ACTA2: variants seen among roughly 807,000 people sequenced by gnomAD.
ACTA2 encodes the protein actin, aortic smooth muscle.
ACTA2 carries 12 observed loss-of-function variants against 39.5 expected under a neutral mutation model. That is an observed-to-expected ratio of 0.30 (90% CI 0.19 to 0.49). ACTA2 has a LOEUF of 0.49. Ranked by LOEUF, ACTA2 falls within the 20% of genes least tolerant of loss-of-function variation. The probability of loss-of-function intolerance (pLI) is 0.99; values close to 1 mark genes in which losing one functional copy is unlikely to be tolerated. For synonymous variants in ACTA2, 158 were observed against 180.6 expected (o/e 0.88, Z 1.00); for missense variants, 236 against 498.8 (o/e 0.47, Z 5.02).
At chr10:88,960,515 A>AT (rs1452234231) in intron 1 of ACTA2, among the ~76,000 whole-genome samples, 1 of 152,214 alleles carries the variant, frequency 6.6e-6, no homozygotes, top group Non-Finnish European at 1.5e-5. Context: ...GAAAAAAGCC[A>AT]TACCAAGAAG....
chr10:88,936,064 C>T (rs1845732655), intron 8 of ACTA2, among the ~76,000 whole-genome samples: 1 of 152,222 alleles, frequency 6.6e-6, no homozygotes, highest in Non-Finnish European at 1.5e-5. Flanking sequence ...ATACAAAGTA[C>T]TGATATTTAC....
intron 1 of ACTA2, among the ~76,000 whole-genome samples, chr10:88,964,841 C>T (rs1184008836): frequency 3.3e-5 from 5 of 152,110 alleles, no homozygotes; most frequent in East Asian, 3.8e-4. Context: ...AGGAGGCACC[C>T]GTTCTGCTGC....
At chr10:88,987,125 G>C (rs147545363) in intron 1 of ACTA2, among the ~76,000 whole-genome samples, 57 of 152,178 alleles carry the variant, frequency 3.7e-4, no homozygotes, top group Admixed American at 7.2e-4. Context: ...TTTGTCACTT[G>C]GCCACTGTGG....
At chr10:88,982,733 T>C (rs1229835365) in intron 1 of ACTA2, among the ~76,000 whole-genome samples, 1 of 152,204 alleles carries the variant, frequency 6.6e-6, no homozygotes, top group African/African-American at 2.4e-5. Context: ...TAAGTAAAAA[T>C]TCAGCCTAAG....
intron 1 of ACTA2, among the ~76,000 whole-genome samples, chr10:88,972,432 A>T (rs1846468299): frequency 6.6e-6 from 1 of 152,152 alleles, no homozygotes; most frequent in African/African-American, 2.4e-5. Context: ...TTAGTCTGTT[A>T]ATATTTAATG....
At chr10:88,943,689 G>T in intron 4 of ACTA2, 108 bp downstream of exon 4, 1 of 897,428 alleles carries the variant, frequency 1.1e-6, no homozygotes. Flanking sequence ...CTGTTAGTCT[G>T]TTGGTGGACT....
upstream of ACTA2, among the ~76,000 whole-genome samples, chr10:88,953,383 A>G (rs1846083288): frequency 6.6e-6 from 1 of 152,202 alleles, no homozygotes; most frequent in South Asian, 2.1e-4. Flanking sequence ...TCTTACAAAG[A>G]GGAATTTGGA....
chr10:88,957,099 C>G (rs1048551610), upstream of ACTA2, among the ~76,000 whole-genome samples: 1 of 152,126 alleles, frequency 6.6e-6, no homozygotes, highest in Non-Finnish European at 1.5e-5. Context: ...ACTTAAGACA[C>G]GGTACACAAG....
exon 1 of ACTA2, chr10:88,991,226 G>A: frequency 1.9e-6 from 1 of 515,782 alleles, no homozygotes; most frequent in Non-Finnish European, 3.5e-6. Context: ...GGCGTGGGGT[G>A]CGGACAGGAA....
intron 1 of ACTA2, among the ~76,000 whole-genome samples, chr10:88,976,183 C>T (rs1846558437): frequency 6.6e-6 from 1 of 151,100 alleles, no homozygotes. Context: ...AATACACTAA[C>T]ACTAACTATA....
At position 88,969,695 on chromosome 10, in the gene ACTA2, A is replaced by G. The variant is rs566832785; in HGVS notation, c.-23-20742T>C. On this transcript the variant is annotated intron_variant, in intron 1 of 4. Coordinates refer to the ACTA2 transcript ENST00000415557. ...ATCATCCTCCCAACTATATCTTTTCATATACGTTAATAGCACTCTATCTTT... is the reference window on the plus strand; with the variant it reads ...ATCATCCTCCCAACTATATCTTTTCGTATACGTTAATAGCACTCTATCTTT... Among the ~76,000 whole-genome samples, 5 of 152,274 alleles carry G rather than the reference A, an allele frequency of 3.3e-5. No individual in the cohort carries two copies. The South Asian group carries it at 1.0e-3, about 32-fold the overall frequency.
At chr10:88,955,836 C>T (rs541183777), upstream of ACTA2, among the ~76,000 whole-genome samples, 13 of 152,260 alleles carry the variant, frequency 8.5e-5, no homozygotes, top group South Asian at 6.2e-4. Flanking sequence ...GATCAATACA[C>T]GGGGGTTATG....
At position 88,990,769 on chromosome 10, in the gene ACTA2, G is replaced by T. The variant is rs1182348068; in HGVS notation, c.-24+170C>A. 7 of 1,446,478 alleles carry T rather than the reference G, an allele frequency of 4.8e-6. No individual in the cohort carries two copies. Among genetic ancestry groups the T allele is most frequent in the Non-Finnish European group, 6.8e-6 (7 of 1,033,314 alleles). 89.6% of individuals were successfully genotyped at this position (1,446,478 alleles called of 1,614,324 possible). On this transcript the variant is annotated intron_variant, in intron 1 of 4. Coordinates refer to the ACTA2 transcript ENST00000415557. This position sits in a 1 kb window ranked among gnomAD's most constrained non-coding sequence, Gnocchi z 4.9. ...GCACTGGCACGGAACACACCCTGAG[G>T]CCAGCCCTGGCTGCCCAGGCGGAGC...
chr10:88,977,019 G>A (rs1008069896), intron 1 of ACTA2, among the ~76,000 whole-genome samples: 2 of 152,142 alleles, frequency 1.3e-5, no homozygotes, highest in Non-Finnish European at 2.9e-5. Flanking sequence ...CAAAGGAGAA[G>A]CTTATTTTCT....
chr10:88,947,395 G>T lies in ACTA2; in HGVS notation c.130-9C>A, dbSNP rs769557305. On this transcript the variant is annotated splice_polypyrimidine_tract_variant and intron_variant, in intron 2 of 8. Coordinates refer to ENST00000224784, the MANE Select transcript of ACTA2 (RefSeq NM_001613.4). ...ATTCCCACCATCACCCCCTAAAAAG[G>T]TTCAACACATTATGAGTCAGCATCT... 4.3e-6 allele frequency: 7 copies of T among 1,613,592 alleles called. No individual in the cohort carries two copies. The Admixed American group carries it at 1.2e-4, about 27-fold the overall frequency.
At chr10:88,961,224 ATAAGT>A (rs1846221750) in intron 1 of ACTA2, among the ~76,000 whole-genome samples, 1 of 152,208 alleles carries the variant, frequency 6.6e-6, no homozygotes, top group African/African-American at 2.4e-5. Context: ...ACCTAGAAAC[ATAAGT>A]TAAAGTTTCT....
intron 8 of ACTA2, 62 bp downstream of exon 8, chr10:88,937,998 AT>A: frequency 6.3e-7 from 1 of 1,588,610 alleles, no homozygotes; most frequent in Non-Finnish European, 8.6e-7. Context: ...AAGAGTTCTT[AT>A]CTGTGGTTAT....
intron 1 of ACTA2, among the ~76,000 whole-genome samples, chr10:88,978,143 G>C (rs1206396981): frequency 2.1e-5 from 2 of 96,798 alleles, no homozygotes; most frequent in African/African-American, 7.8e-5. Context: ...GTAAACTATC[G>C]CAAGAACAAA....
At chr10:88,943,746 C>A in intron 4 of ACTA2, 51 bp downstream of exon 4, 1 of 1,499,640 alleles carries the variant, frequency 6.7e-7, no homozygotes, top group African/African-American at 1.4e-5. Flanking sequence ...CTCCTTCTAA[C>A]AGAAGTTTCC....
Sources: gnomAD v4.1 joint callset for allele counts (sites outside exome capture counted in the v4.1 genomes callset) on GRCh38, gnomAD v4.1.1 for gene constraint, Gnocchi (gnomAD v3.1) non-coding constraint, MANE v1.5 for transcripts, NCBI Gene and HGNC (gene_info 2026-07-23, HGNC 2026-07-21) for gene names.